Variants in OXR1 observed in about 807,000 individuals in gnomAD.
The protein encoded by OXR1 is oxidation resistance protein 1.
Under a neutral mutation model 104.6 loss-of-function variants are expected in OXR1, and 41 were observed. The ratio of observed to expected loss-of-function variants is 0.39; its 90% CI spans 0.31 to 0.51. OXR1 has a LOEUF of 0.51. Among genes scored for constraint, OXR1 ranks in the 20% least tolerant of loss-of-function variants. The pLI, the probability that OXR1 is intolerant of heterozygous loss-of-function variation, is 0.77. For missense variants in OXR1, 955 were observed against 1,031.9 expected (o/e 0.93, Z 1.02); for synonymous variants, 348 against 348.4 (o/e 1.00, Z 0.01).
At position 106,648,076 on chromosome 8, in the gene OXR1, A is replaced by G. The variant is rs141939530; in HGVS notation, c.221-31134A>G. Among the ~76,000 whole-genome samples, 16 of 152,338 alleles carry G rather than the reference A, an allele frequency of 1.1e-4. No individual in the cohort carries two copies. In the East Asian group the frequency reaches 2.7e-3, roughly 26 times the overall value. The stretch of plus-strand genomic sequence containing the variant: ...AATAATTTTATCTGTGTTAAAAAGT[A>G]TTTTAAAATGTAATGAACACAATGT... On this transcript the variant is annotated intron_variant, in intron 3 of 16. Coordinates refer to ENST00000517566, the MANE Select transcript of OXR1 (RefSeq NM_001198533.2).
At chr8:106,722,771 T>C (rs1369374332) in intron 11 of OXR1, among the ~76,000 whole-genome samples, 1 of 152,220 alleles carries the variant, frequency 6.6e-6, no homozygotes, top group South Asian at 2.1e-4. Context: ...ACGAAATTGC[T>C]TAAAGATGCA....
At chr8:106,742,374 A>C in intron 15 of OXR1, 57 bp downstream of exon 15, 1 of 958,404 alleles carries the variant, frequency 1.0e-6, no homozygotes, top group East Asian at 2.4e-5. Context: ...CATACTGCCC[A>C]AAGCAATTTA....
intron 2 of OXR1, among the ~76,000 whole-genome samples, chr8:106,438,711 C>T (rs1280825565): frequency 5.9e-5 from 9 of 151,964 alleles, no homozygotes; most frequent in Non-Finnish European, 1.3e-4. Context: ...TTACCAGTGC[C>T]CAGCTTACAG....
intron 3 of OXR1, among the ~76,000 whole-genome samples, chr8:106,604,334 C>T (rs1228785542): frequency 1.3e-5 from 2 of 152,084 alleles, no homozygotes; most frequent in African/African-American, 4.8e-5. Flanking sequence ...TTGGCTTTCA[C>T]AGGGAAAGAC....
At chr8:106,532,512 G>A (rs1814172916) in intron 3 of OXR1, among the ~76,000 whole-genome samples, 1 of 152,146 alleles carries the variant, frequency 6.6e-6, no homozygotes. Context: ...TTGCTTAAAT[G>A]ATCCTGGCAC....
intron 3 of OXR1, among the ~76,000 whole-genome samples, chr8:106,665,662 G>A (rs561760908): frequency 6.6e-6 from 1 of 152,272 alleles, no homozygotes; most frequent in African/African-American, 2.4e-5. Context: ...TAAAGTGACT[G>A]CAGATAGTGT....
At chr8:106,553,904 GT>G (rs1816066403) in intron 3 of OXR1, among the ~76,000 whole-genome samples, 1 of 152,076 alleles carries the variant, frequency 6.6e-6, no homozygotes. Context: ...ATTTATCATT[GT>G]TTCCAAAAAC....
intron 2 of OXR1, among the ~76,000 whole-genome samples, chr8:106,441,798 A>G (rs905997380): frequency 1.3e-5 from 2 of 152,212 alleles, no homozygotes; most frequent in East Asian, 3.8e-4. Flanking sequence ...GTTGCTTATC[A>G]GTTCAAGAAG....
chr8:106,286,524 G>GT lies in OXR1; in HGVS notation c.-139+16158dup, dbSNP rs35946172. ...TGTTGCCCTGAGCCAAAAAGAGTTT[G>GT]TAAGTGAGACCAAAGAAGGTGGTAA... On this transcript the variant is annotated intron_variant, in intron 1 of 16. Coordinates refer to ENST00000517566, the MANE Select transcript of OXR1 (RefSeq NM_001198533.2). 3.3e-5 allele frequency among the ~76,000 whole-genome samples: 5 copies of GT among 152,176 alleles called. No individual in the cohort carries two copies. The East Asian group carries it at 9.7e-4, about 29-fold the overall frequency.
At chr8:106,742,556 G>C in intron 15 of OXR1, 1 of 333,258 alleles carries the variant, frequency 3.0e-6, no homozygotes, top group Non-Finnish European at 5.4e-6. Flanking sequence ...TATACTACAA[G>C]GCTACAGTAA....
intron 3 of OXR1, among the ~76,000 whole-genome samples, chr8:106,651,284 G>C (rs1824548603): frequency 6.6e-6 from 1 of 152,140 alleles, no homozygotes; most frequent in South Asian, 2.1e-4. Flanking sequence ...TATTAGTAAT[G>C]AAGCAAATTT....
chr8:106,728,217 GAAAAA>G (rs1164061309), intron 11 of OXR1, among the ~76,000 whole-genome samples: 12 of 85,820 alleles, frequency 1.4e-4, no homozygotes, highest in South Asian at 1.3e-3. Context: ...TTCTAAACTG[GAAAAA>G]AAAAAAAAAA....
chr8:106,327,890 T>G (rs1814538290), intron 1 of OXR1, among the ~76,000 whole-genome samples: 1 of 152,204 alleles, frequency 6.6e-6, no homozygotes, highest in Admixed American at 6.5e-5. Context: ...AAGAACATAA[T>G]TTATTGTTGT....
chr8:106,309,116 A>G (rs1018946535), intron 1 of OXR1, among the ~76,000 whole-genome samples: 8 of 151,992 alleles, frequency 5.3e-5, no homozygotes, highest in African/African-American at 1.9e-4. Flanking sequence ...GTAGCTAGGA[A>G]CAAGGTGTGT....
At chr8:106,694,776 TACA>T (rs1829748740) in intron 7 of OXR1, among the ~76,000 whole-genome samples, 1 of 111,094 alleles carries the variant, frequency 9.0e-6, no homozygotes, top group East Asian at 3.0e-4. Flanking sequence ...AATAGATAAA[TACA>T]TATATATTTA....
intron 2 of OXR1, among the ~76,000 whole-genome samples, chr8:106,404,713 AT>A (rs59495540): frequency 2.0e-4 from 30 of 147,928 alleles, no homozygotes; most frequent in Non-Finnish European, 3.3e-4. Flanking sequence ...CTCCTTGCTT[AT>A]TTTTTTTTTG....
At chr8:106,723,094 A>G (rs1415378421) in intron 11 of OXR1, among the ~76,000 whole-genome samples, 1 of 152,028 alleles carries the variant, frequency 6.6e-6, no homozygotes. Flanking sequence ...GGTGGCTCAC[A>G]CCTGTAATCC....
chr8:106,297,055 ATG>A (rs1317952432), intron 1 of OXR1, among the ~76,000 whole-genome samples: 2 of 152,104 alleles, frequency 1.3e-5, no homozygotes, highest in Non-Finnish European at 2.9e-5. Flanking sequence ...TATGTGTTTC[ATG>A]TGCATTATTT....
In OXR1 at chr8:106,605,632, T is replaced by TAAA. The variant is rs11347410; in HGVS notation, c.221-73560_221-73558dup. On this transcript the variant is annotated intron_variant, in intron 3 of 16. Transcript: ENST00000517566. ...CAATATGGTGAAACCCCGTCTCTACTAAAAAAAAAAAAAAAAAAAATTAGG... is the reference window on the plus strand; with the variant it reads ...CAATATGGTGAAACCCCGTCTCTACTAAAAAAAAAAAAAAAAAAAAAAATTAGG... Among the ~76,000 whole-genome samples the TAAA allele has an allele frequency of 5.7e-5, 7 of 123,470 alleles. No individual in the cohort carries two copies. The East Asian group carries it at 7.0e-4, about 12-fold the overall frequency. The allele number at this position is 123,470 out of a possible 152,430, so 81.0% of individuals were successfully genotyped here.
Sources: allele counts gnomAD v4.1 joint callset (sites outside exome capture counted in the v4.1 genomes callset), GRCh38; gene constraint gnomAD v4.1.1; transcripts MANE v1.5; gene names NCBI Gene and HGNC (gene_info 2026-07-23, HGNC 2026-07-21).